BRINP1: variants seen among roughly 807,000 people sequenced by gnomAD.
The protein encoded by BRINP1 is BMP/retinoic acid-inducible neural-specific protein 1.
A neutral mutation model predicts 72.9 loss-of-function variants in BRINP1; 17 were observed. The ratio of observed to expected loss-of-function variants is 0.23; its 90% CI spans 0.16 to 0.35. The LOEUF (loss-of-function observed/expected upper bound fraction) is 0.35. Among genes scored for constraint, BRINP1 ranks in the 10% least tolerant of loss-of-function variants. The probability of loss-of-function intolerance (pLI) is 1.00; values close to 1 mark genes in which losing one functional copy is unlikely to be tolerated. For missense variants in BRINP1, 850 were observed against 1,001.6 expected, an observed-to-expected ratio of 0.85 and a Z score of 2.04; for synonymous variants, 418 against 378.5, an observed-to-expected ratio of 1.10 and a Z score of -1.21.
At chr9:119,342,012 C>T (rs892425524) in intron 1 of BRINP1, among the ~76,000 whole-genome samples, 2 of 152,064 alleles carry the variant, frequency 1.3e-5, no homozygotes, top group Non-Finnish European at 2.9e-5. Context: ...AGGTGATCTG[C>T]CCCCCTCGGT....
At chr9:119,365,084 T>C (rs1422628651) in intron 1 of BRINP1, among the ~76,000 whole-genome samples, 1 of 152,194 alleles carries the variant, frequency 6.6e-6, no homozygotes, top group African/African-American at 2.4e-5. Context: ...GATAGACCTA[T>C]ACCCCCAGCG....
At chr9:119,223,606 C>T (rs1830062476) in intron 5 of BRINP1, among the ~76,000 whole-genome samples, 1 of 152,020 alleles carries the variant, frequency 6.6e-6, no homozygotes, top group African/African-American at 2.4e-5. Context: ...CTACCATTTC[C>T]CTGTCATCTA....
At chr9:119,275,169 TA>T (rs1375950485) in intron 2 of BRINP1, among the ~76,000 whole-genome samples, 1 of 152,148 alleles carries the variant, frequency 6.6e-6, no homozygotes, top group Non-Finnish European at 1.5e-5. Context: ...AATGCATATC[TA>T]AAAGAGAAAA....
Position 119,167,144 on chromosome 9 carries a change from C to G in BRINP1, c.2226G>C (p.Leu742Phe). The G allele has an allele frequency of 6.2e-7, 1 of 1,614,000 alleles. No individual in the cohort carries two copies. Among genetic ancestry groups the G allele is most frequent in the Non-Finnish European group, 8.5e-7 (1 of 1,179,994 alleles). Reference sequence around the variant, plus strand: ...TGAGGATCTCCGTGTTGTACAGGTCCAAGGCGTGGTTCACCCTGATGATCT... The same window carrying G: ...TGAGGATCTCCGTGTTGTACAGGTCGAAGGCGTGGTTCACCCTGATGATCT... ...NSEIIRVNHALDLYNTEILKQ... is the reference protein window; with the variant it reads ...NSEIIRVNHAFDLYNTEILKQ... Residue 742 changes from leucine (L) to phenylalanine (F), a missense_variant, in exon 8 of 8, where the codon TTG (leucine) becomes TTC (phenylalanine). By Grantham distance (22) the Leu-to-Phe change is conservative. Coordinates refer to ENST00000265922, the MANE Select transcript of BRINP1 (RefSeq NM_014618.3). This position sits in a 1 kb window ranked among gnomAD's most constrained non-coding sequence, Gnocchi z 4.3.
chr9:119,361,001 G>C (rs776564086), intron 1 of BRINP1, among the ~76,000 whole-genome samples: 1 of 152,012 alleles, frequency 6.6e-6, no homozygotes, highest in Non-Finnish European at 1.5e-5. Context: ...CCAACTTCCC[G>C]GTATACAACT....
chr9:119,368,958 G>GGGGA lies in BRINP1; in HGVS notation c.-51+94_-51+97dup, dbSNP rs1457098082. The GGGGA allele has an allele frequency of 1.3e-5, 5 of 387,624 alleles. No homozygotes were observed. In the East Asian group the frequency reaches 1.5e-4, roughly 11 times the overall value. 24.0% of individuals were successfully genotyped at this position (387,624 alleles called of 1,614,324 possible). A position where few individuals can be genotyped will look rare whatever the true frequency, so the allele number is the denominator to read the frequency against. ...GAAGAGCGGACAAGGGTGCCGGTAG[G>GGGGA]GGGAGGGGCAGAGGAGCGCGGGGAC... On this transcript the variant is annotated intron_variant, in intron 1 of 7. Transcript: ENST00000265922. The surrounding 1 kb of genome is among the most constrained non-coding windows in gnomAD (Gnocchi z 4.7).
chr9:119,251,122 C>T (rs1324463336), intron 2 of BRINP1, among the ~76,000 whole-genome samples: 1 of 152,156 alleles, frequency 6.6e-6, no homozygotes, highest in Non-Finnish European at 1.5e-5. Context: ...GTCCATAATT[C>T]AAGACATAGT....
At chr9:119,237,370 T>C (rs1032974425) in intron 5 of BRINP1, among the ~76,000 whole-genome samples, 3 of 150,896 alleles carry the variant, frequency 2.0e-5, no homozygotes, top group Non-Finnish European at 2.9e-5. Flanking sequence ...TTATTATTAT[T>C]ATTATTTTGA....
chr9:119,258,356 G>A (rs765388542), intron 2 of BRINP1, among the ~76,000 whole-genome samples: 10 of 152,190 alleles, frequency 6.6e-5, no homozygotes, highest in African/African-American at 9.7e-5. Context: ...GCCATTTCCA[G>A]AAAAGCAAGT....
At chr9:119,320,700 G>C (rs1231461802) in intron 1 of BRINP1, among the ~76,000 whole-genome samples, 1 of 152,168 alleles carries the variant, frequency 6.6e-6, no homozygotes, top group Non-Finnish European at 1.5e-5. Context: ...AGCAATGTCA[G>C]TGGAAGAAAG....
At chr9:119,265,154 C>T (rs1351435205) in intron 2 of BRINP1, among the ~76,000 whole-genome samples, 1 of 152,188 alleles carries the variant, frequency 6.6e-6, no homozygotes. Context: ...TCACCAATAT[C>T]ACCTTGCACT....
At chr9:119,225,718 G>A (rs1336019554) in intron 5 of BRINP1, among the ~76,000 whole-genome samples, 1 of 151,964 alleles carries the variant, frequency 6.6e-6, no homozygotes, top group Admixed American at 6.6e-5. Flanking sequence ...ATCAGGGGCT[G>A]AAGGGAAGGG....
At chr9:119,231,519 T>A (rs1305653087) in intron 5 of BRINP1, among the ~76,000 whole-genome samples, 1 of 152,140 alleles carries the variant, frequency 6.6e-6, no homozygotes, top group Non-Finnish European at 1.5e-5. Flanking sequence ...TGCCATTTAC[T>A]ATAATACTAC....
chr9:119,213,561 T>A (rs759486200), intron 6 of BRINP1: 8 of 445,498 alleles, frequency 1.8e-5, no homozygotes, highest in Non-Finnish European at 3.2e-5. Flanking sequence ...CACAAACACA[T>A]ACACACACAA....
Position 119,208,719 on chromosome 9 carries a change from C to T in BRINP1, c.1145G>A (p.Arg382Lys). 1 of 1,612,652 alleles carries T rather than the reference C, an allele frequency of 6.2e-7. No individual in the cohort carries two copies. The highest frequency in any genetic ancestry group is 8.5e-7 in the Non-Finnish European group (1 of 1,179,982). ...HNPNHQLPRE[R>K]TIQQWLARVQ... ...AGGTGGAGGTGGTGGCAACACTTAC[C>T]TCTCTCTAGGCAGCTGGTGGTTGGG... is the stretch of plus-strand genomic sequence containing the variant. The change falls in exon 7 of 8, where the codon AGG (arginine) becomes AAG (lysine). Residue 382 changes from arginine (R) to lysine (K), a missense_variant and splice_region_variant. Transcript: ENST00000265922.
intron 4 of BRINP1, among the ~76,000 whole-genome samples, chr9:119,239,169 GT>G (rs1830221794): frequency 6.6e-6 from 1 of 152,236 alleles, no homozygotes; most frequent in Admixed American, 6.5e-5. Flanking sequence ...ATCAAAGCTA[GT>G]AAATCTCTTC....
At chr9:119,179,134 G>C (rs1263372974) in intron 7 of BRINP1, among the ~76,000 whole-genome samples, 20 of 152,118 alleles carry the variant, frequency 1.3e-4, no homozygotes, top group Non-Finnish European at 2.9e-5. Context: ...AGCTTAATAG[G>C]CTGCTTCAGA....
intron 2 of BRINP1, among the ~76,000 whole-genome samples, chr9:119,265,161 C>T (rs1404708242): frequency 6.6e-6 from 1 of 152,194 alleles, no homozygotes; most frequent in Middle Eastern, 3.2e-3. Context: ...TATCACCTTG[C>T]ACTTCCTTAA....
chr9:119,232,851 A>G (rs12553877), intron 5 of BRINP1, among the ~76,000 whole-genome samples: 27,838 of 151,794 alleles, frequency 0.18, 2,845 homozygotes, highest in Non-Finnish European at 0.24. Context: ...CAATGTTGGT[A>G]AAACATTCAA....
Sources: allele counts gnomAD v4.1 joint callset (sites outside exome capture counted in the v4.1 genomes callset), GRCh38; gene constraint gnomAD v4.1.1; non-coding constraint Gnocchi (gnomAD v3.1); transcripts MANE v1.5; gene names NCBI Gene and HGNC (gene_info 2026-07-23, HGNC 2026-07-21).